Variants in MMRN1 observed in about 807,000 individuals in gnomAD.
MMRN1 encodes multimerin 1.
A neutral mutation model predicts 100.7 loss-of-function variants in MMRN1; 94 were observed. That is an observed-to-expected ratio of 0.93 (90% CI 0.79 to 1.11). The LOEUF is 1.11. Ranked by LOEUF, MMRN1 falls within the 50% of genes least tolerant of loss-of-function variation. The pLI, the probability that MMRN1 is intolerant of heterozygous loss-of-function variation, is 0.00. For missense variants in MMRN1, 1,606 were observed against 1,439.1 expected, an observed-to-expected ratio of 1.12 and a Z score of -1.88; for synonymous variants, 575 against 505.0, an observed-to-expected ratio of 1.14 and a Z score of -1.86.
chr4:89,894,730 C>T, upstream of MMRN1: 1 of 421,066 alleles, frequency 2.4e-6, no homozygotes, highest in Non-Finnish European at 4.0e-6. Flanking sequence ...TTAGCTTTGT[C>T]AGAGACCCTT....
At chr4:89,940,938 CTT>C (rs1162314738) in intron 6 of MMRN1, among the ~76,000 whole-genome samples, 1 of 152,040 alleles carries the variant, frequency 6.6e-6, no homozygotes, top group Non-Finnish European at 1.5e-5. Context: ...ATGCTTATAA[CTT>C]AGCTTATGGT....
intron 1 of MMRN1, among the ~76,000 whole-genome samples, chr4:89,898,232 C>T (rs181905407): frequency 7.2e-5 from 11 of 152,228 alleles, no homozygotes; most frequent in Non-Finnish European, 1.5e-4. Flanking sequence ...TATATGGCAT[C>T]TGTTACTAGT....
intron 6 of MMRN1, among the ~76,000 whole-genome samples, chr4:89,948,440 A>G (rs1723058298): frequency 6.6e-6 from 1 of 152,208 alleles, no homozygotes; most frequent in Admixed American, 6.5e-5. Flanking sequence ...GATAAATTTT[A>G]TTATCAATAA....
At chr4:89,938,492 T>C (rs1722719501) in intron 6 of MMRN1, among the ~76,000 whole-genome samples, 1 of 90,586 alleles carries the variant, frequency 1.1e-5, no homozygotes, top group Non-Finnish European at 2.2e-5. Flanking sequence ...TATATATATA[T>C]ATATATATAT....
chr4:89,945,963 G>T (rs1252432061), intron 6 of MMRN1, among the ~76,000 whole-genome samples: 1 of 152,096 alleles, frequency 6.6e-6, no homozygotes, highest in Non-Finnish European at 1.5e-5. Flanking sequence ...ATACACCAAA[G>T]AACACAATGT....
At chr4:89,905,938 G>A (rs975344587) in intron 1 of MMRN1, among the ~76,000 whole-genome samples, 3 of 151,486 alleles carry the variant, frequency 2.0e-5, no homozygotes, top group African/African-American at 7.3e-5. Context: ...TAGATGACAA[G>A]CAATCTATTC....
chr4:89,935,346 C>T lies in MMRN1; in HGVS notation c.1666C>T (p.Gln556Ter), dbSNP rs755388051. Reference sequence around the variant, plus strand: ...TACTTTACATGAAAATATAAAGAAGCAGAGTTTGATGATGCTGCAAATGTT... The same window carrying T: ...TACTTTACATGAAAATATAAAGAAGTAGAGTTTGATGATGCTGCAAATGTT... ...MSTLHENIKK[Q>*]SLMMLQMFED... is the part of the protein sequence containing the mutation. Residue 556 changes from glutamine to a stop codon, truncating the protein, a stop_gained, in exon 6 of 8, where the codon CAG (glutamine) becomes TAG (stop). Transcript: ENST00000264790. LOFTEE classifies it high-confidence loss of function. The T allele has an allele frequency of 6.2e-7, 1 of 1,613,208 alleles. No homozygotes were observed. The highest frequency in any genetic ancestry group is 8.5e-7 in the Non-Finnish European group (1 of 1,179,676).
intron 6 of MMRN1, among the ~76,000 whole-genome samples, chr4:89,944,401 A>G (rs1490644742): frequency 3.3e-5 from 5 of 152,212 alleles, no homozygotes; most frequent in Non-Finnish European, 7.3e-5. Flanking sequence ...CAAGTGTTAT[A>G]CCTGTGTGCA....
chr4:89,924,542 T>C (rs907718988), intron 4 of MMRN1, among the ~76,000 whole-genome samples: 1 of 151,436 alleles, frequency 6.6e-6, no homozygotes, highest in Non-Finnish European at 1.5e-5. Flanking sequence ...TAATTTTTAA[T>C]TAAAAATTTA....
At position 89,922,063 on chromosome 4, in the gene MMRN1, T is replaced by C. The variant is rs1722104959; in HGVS notation, c.851-1105T>C. 3.3e-5 allele frequency among the ~76,000 whole-genome samples: 5 copies of C among 152,282 alleles called. No homozygotes were observed. The South Asian group carries it at 1.0e-3, about 32-fold the overall frequency. ...AAATTAAAGCCATATTATTTGATGT[T>C]CTCAATATTTTATTTTATTTATTTT... On this transcript the variant is annotated intron_variant, in intron 3 of 7. Transcript: ENST00000264790.
At chr4:89,891,670 G>C (rs1721057769), upstream of MMRN1, among the ~76,000 whole-genome samples, 2 of 151,802 alleles carry the variant, frequency 1.3e-5, no homozygotes, top group African/African-American at 4.8e-5. Flanking sequence ...ATGTAAATTT[G>C]ACAGGTTTTC....
At position 89,935,655 on chromosome 4, in the gene MMRN1, C is replaced by T; in HGVS notation, c.1975C>T (p.Leu659Phe). ...ACCCTTGCTTGAGCAGGGAGCATCA[C>T]TCAGACAGACAATGACATATGAACA... ...LQPLLEQGAS[L>F]RQTMTYEQPK... Residue 659 changes from leucine to phenylalanine, a missense_variant, in exon 6 of 8, where the codon CTC becomes TTC. By Grantham distance (22) the Leu-to-Phe change is conservative. Coordinates refer to ENST00000264790, the MANE Select transcript of MMRN1 (RefSeq NM_007351.3). 6.2e-7 allele frequency: 1 copy of T among 1,613,314 alleles called. No individual in the cohort carries two copies. Among genetic ancestry groups the T allele is most frequent in the Non-Finnish European group, 8.5e-7 (1 of 1,179,664 alleles).
intron 4 of MMRN1, among the ~76,000 whole-genome samples, chr4:89,923,723 G>A (rs1209136096): frequency 6.6e-6 from 1 of 152,170 alleles, no homozygotes; most frequent in Non-Finnish European, 1.5e-5. Flanking sequence ...GAATCAACAA[G>A]AACCTCCTGC....
Position 89,923,208 on chromosome 4 carries a change from A to T in MMRN1, c.891A>T (p.Glu297Asp). ...GTTTGATACACACCAACCAGGCTGA[A>T]AGTCATACAGCTGTTGGCAGAGGAG... ...QQSLIHTNQAESHTAVGRGVA... is the reference protein window; with the variant it reads ...QQSLIHTNQADSHTAVGRGVA... Residue 297 changes from glutamate (E) to aspartate (D), a missense_variant, in exon 4 of 8, where the codon GAA (glutamate) becomes GAT (aspartate). Transcript: ENST00000264790. 2 of 1,613,998 alleles carry T rather than the reference A, an allele frequency of 1.2e-6. No homozygotes were observed. The highest frequency in any genetic ancestry group is 1.7e-6 in the Non-Finnish European group (2 of 1,179,856).
intron 1 of MMRN1, among the ~76,000 whole-genome samples, chr4:89,884,402 C>A (rs74601458): frequency 0.048 from 7,329 of 152,074 alleles, 253 homozygotes; most frequent in African/African-American, 0.089. Context: ...CTGCAAAAAT[C>A]TTGCAAAATT....
intron 6 of MMRN1, among the ~76,000 whole-genome samples, chr4:89,945,919 T>C (rs1396146994): frequency 6.6e-6 from 1 of 152,172 alleles, no homozygotes; most frequent in Non-Finnish European, 1.5e-5. Flanking sequence ...GGAAAAGCAG[T>C]AAACATGGTT....
intron 1 of MMRN1, among the ~76,000 whole-genome samples, chr4:89,881,600 T>C (rs1230546459): frequency 1.3e-5 from 2 of 152,042 alleles, no homozygotes; most frequent in Non-Finnish European, 2.9e-5. Context: ...TTAATATTCA[T>C]TAAAGCCGTT....
At chr4:89,902,748 T>A (rs1721432696) in intron 1 of MMRN1, among the ~76,000 whole-genome samples, 2 of 152,014 alleles carry the variant, frequency 1.3e-5, no homozygotes, top group Admixed American at 1.3e-4. Flanking sequence ...GGTTTCTTCT[T>A]AAAGTCTAAA....
intron 1 of MMRN1, among the ~76,000 whole-genome samples, chr4:89,889,499 A>C (rs971670224): frequency 6.6e-6 from 1 of 152,128 alleles, no homozygotes; most frequent in Non-Finnish European, 1.5e-5. Context: ...GTTCCCTGCC[A>C]GCCCACAGAA....
Sources: allele counts gnomAD v4.1 joint callset (sites outside exome capture counted in the v4.1 genomes callset), GRCh38; gene constraint gnomAD v4.1.1; transcripts MANE v1.5; gene names NCBI Gene and HGNC (gene_info 2026-07-23, HGNC 2026-07-21).